The following AAMDC variants were observed in gnomAD, a reference collection of about 807,000 sequenced individuals.
The protein encoded by AAMDC is mth938 domain-containing protein.
Under a neutral mutation model 15.5 loss-of-function variants are expected in AAMDC, and 16 were observed. The ratio of observed to expected loss-of-function variants is 1.03; its 90% CI spans 0.70 to 1.57. The LOEUF (loss-of-function observed/expected upper bound fraction) is 1.57. Among genes scored for constraint, AAMDC ranks in the 40% most tolerant of loss-of-function variants. The pLI is 0.00. For synonymous variants in AAMDC, 51 were observed against 51.6 expected (o/e 0.99, Z 0.05); for missense variants, 141 against 144.9 (o/e 0.97, Z 0.14).
intron 5 of AAMDC, among the ~76,000 whole-genome samples, chr11:77,879,301 T>C (rs1468360949): frequency 6.6e-6 from 1 of 152,254 alleles, no homozygotes; most frequent in African/African-American, 2.4e-5. Context: ...GATGTGATGC[T>C]GTTCCATCAC....
At chr11:77,894,076 G>A (rs1174787474) in intron 5 of AAMDC, among the ~76,000 whole-genome samples, 1 of 152,010 alleles carries the variant, frequency 6.6e-6, no homozygotes, top group East Asian at 1.9e-4. Context: ...TAGTTTTGAA[G>A]CTCCAACTTC....
intron 5 of AAMDC, among the ~76,000 whole-genome samples, chr11:77,881,150 A>T (rs611906): frequency 0.38 from 57,947 of 152,042 alleles, 11,511 homozygotes; most frequent in African/African-American, 0.47. Flanking sequence ...GGATAACTCA[A>T]GCAACTTCTG....
At chr11:77,875,621 A>G (rs1485411636), downstream of AAMDC, among the ~76,000 whole-genome samples, 1 of 152,124 alleles carries the variant, frequency 6.6e-6, no homozygotes, top group African/African-American at 2.4e-5. Context: ...TTTCCTGCCT[A>G]CCTTTCTTAA....
intron 1 of AAMDC, among the ~76,000 whole-genome samples, chr11:77,823,984 C>G (rs567370422): frequency 6.6e-6 from 1 of 151,976 alleles, no homozygotes; most frequent in African/African-American, 2.4e-5. Flanking sequence ...GTCAAACAGA[C>G]TGATAAATAA....
chr11:77,821,529 G>A (rs1024263898), intron 1 of AAMDC, among the ~76,000 whole-genome samples: 2 of 152,150 alleles, frequency 1.3e-5, no homozygotes, highest in Admixed American at 6.5e-5. Context: ...AATCGTCGGA[G>A]TGAGGAGTTG....
chr11:77,876,694 T>C (rs79980870), downstream of AAMDC, among the ~76,000 whole-genome samples: 2,762 of 152,216 alleles, frequency 0.018, 86 homozygotes, highest in African/African-American at 0.063. Context: ...CCTTAGTGCA[T>C]GTCTACCTTT....
intron 5 of AAMDC, among the ~76,000 whole-genome samples, chr11:77,893,687 G>A (rs1441300214): frequency 1.3e-5 from 2 of 152,100 alleles, no homozygotes; most frequent in Non-Finnish European, 2.9e-5. Context: ...GAGGTCAGGA[G>A]TTAGAGACCA....
intron 2 of AAMDC, among the ~76,000 whole-genome samples, chr11:77,858,299 A>ATTTTTTTTT (rs1950717647): frequency 1.1e-5 from 1 of 91,556 alleles, no homozygotes. Context: ...CGTTTAAGCA[A>ATTTTTTTTT]TTCTTTTTTT....
At chr11:77,846,845 G>A (rs1209026384) in intron 2 of AAMDC, among the ~76,000 whole-genome samples, 1 of 151,890 alleles carries the variant, frequency 6.6e-6, no homozygotes, top group Non-Finnish European at 1.5e-5. Flanking sequence ...ATTTTTTTTA[G>A]AACTTTATTT....
intron 2 of AAMDC, among the ~76,000 whole-genome samples, chr11:77,857,637 T>A (rs1362853688): frequency 6.6e-6 from 1 of 152,122 alleles, no homozygotes; most frequent in Non-Finnish European, 1.5e-5. Context: ...CATGCAGGTT[T>A]GTTACATAGG....
chr11:77,844,372 G>C (rs369646875), intron 2 of AAMDC, among the ~76,000 whole-genome samples: 2 of 150,220 alleles, frequency 1.3e-5, no homozygotes, highest in African/African-American at 2.4e-5. Flanking sequence ...TTCTTTCTTT[G>C]TTTTTTTTTG....
downstream of AAMDC, chr11:77,872,476 C>A (rs1590981311): frequency 2.7e-6 from 2 of 747,782 alleles, no homozygotes; most frequent in Non-Finnish European, 3.9e-6. Context: ...AGGTCCCTGT[C>A]CTTGAGGGTG....
intron 5 of AAMDC, among the ~76,000 whole-genome samples, chr11:77,878,330 C>T (rs1951664277): frequency 6.6e-6 from 1 of 151,658 alleles, no homozygotes; most frequent in Admixed American, 6.6e-5. Flanking sequence ...CCACTGCACT[C>T]CAGCCTGAGC....
chr11:77,875,973 A>G (rs1951582949), downstream of AAMDC, among the ~76,000 whole-genome samples: 2 of 152,216 alleles, frequency 1.3e-5, no homozygotes, highest in Admixed American at 6.5e-5. Flanking sequence ...ACAGGAGTTC[A>G]GACTTTTTCC....
chr11:77,872,921 A>T (rs1300139318), downstream of AAMDC, among the ~76,000 whole-genome samples: 1 of 152,226 alleles, frequency 6.6e-6, no homozygotes, highest in Non-Finnish European at 1.5e-5. Flanking sequence ...ACTGCACTCC[A>T]GCCTGGGTGA....
intron 3 of AAMDC, among the ~76,000 whole-genome samples, chr11:77,871,167 G>C (rs904829462): frequency 6.6e-6 from 1 of 152,062 alleles, no homozygotes; most frequent in Non-Finnish European, 1.5e-5. Context: ...CTATCTGATA[G>C]GGTACTTTTA....
intron 5 of AAMDC, among the ~76,000 whole-genome samples, chr11:77,893,927 G>A (rs1380978225): frequency 2.5e-5 from 1 of 40,628 alleles, no homozygotes; most frequent in Non-Finnish European, 5.8e-5. Flanking sequence ...AAATAAATAA[G>A]AATGGTGTGA....
chr11:77,878,603 A>G (rs72939439), intron 5 of AAMDC: 70,901 of 573,728 alleles, frequency 0.12, 5,008 homozygotes, highest in Admixed American at 0.2. Flanking sequence ...ATAACCAGTT[A>G]TCAGGAGGTA....
At chr11:77,901,682 G>A, downstream of AAMDC, 1 of 692,838 alleles carries the variant, frequency 1.4e-6, no homozygotes, top group Non-Finnish European at 2.4e-6. Flanking sequence ...GCTTTTAAGT[G>A]TTGAAAGAAA....
Sources: gnomAD v4.1 joint callset for allele counts (sites outside exome capture counted in the v4.1 genomes callset) on GRCh38, gnomAD v4.1.1 for gene constraint, MANE v1.5 for transcripts, NCBI Gene and HGNC (gene_info 2026-07-23, HGNC 2026-07-21) for gene names.